The following RUSC2 variants were observed in gnomAD, a reference collection of about 807,000 sequenced individuals.
RUSC2 encodes AP-4 complex accessory subunit RUSC2.
RUSC2 carries 34 observed loss-of-function variants against 122.2 expected under a neutral mutation model. The ratio of observed to expected loss-of-function variants is 0.28; its 90% CI spans 0.21 to 0.37. RUSC2 has a LOEUF of 0.37. Ranked by LOEUF, RUSC2 falls within the 10% of genes least tolerant of loss-of-function variation. The probability of loss-of-function intolerance (pLI) is 1.00; values close to 1 mark genes in which losing one functional copy is unlikely to be tolerated. For missense variants in RUSC2, 1,747 were observed against 1,952.4 expected (o/e 0.89, Z 1.98); for synonymous variants, 784 against 790.0 (o/e 0.99, Z 0.13).
chr9:35,558,363 C>T lies in RUSC2; in HGVS notation c.3227C>T (p.Thr1076Ile). Reference sequence around the variant, plus strand: ...CCATGGAGTGTGGTTGAGGCTTCCACACAGCTAGGTAGGTGCTGGGTGCCA... The same window carrying T: ...CCATGGAGTGTGGTTGAGGCTTCCATACAGCTAGGTAGGTGCTGGGTGCCA... ...NMPWSVVEAS[T>I]QLGPSTKVLH... Residue 1076 changes from threonine to isoleucine, a missense_variant, in exon 7 of 12, where the codon ACA becomes ATA. By Grantham distance (89) the Thr-to-Ile change is moderately conservative. Transcript: ENST00000361226. This position sits in a 1 kb window ranked among gnomAD's most constrained non-coding sequence, Gnocchi z 4.3. 6.2e-7 allele frequency: 1 copy of T among 1,614,108 alleles called. No individual in the cohort carries two copies. Among genetic ancestry groups the T allele is most frequent in the Non-Finnish European group, 8.5e-7 (1 of 1,179,980 alleles).
chr9:35,506,437 TC>T (rs1195141933), intron 1 of RUSC2, among the ~76,000 whole-genome samples: 1 of 152,214 alleles, frequency 6.6e-6, no homozygotes, highest in African/African-American at 2.4e-5. Context: ...GGCTTTATTT[TC>T]CACTATGCAT....
chr9:35,524,094 T>C (rs1020611760), intron 1 of RUSC2, among the ~76,000 whole-genome samples: 4 of 151,492 alleles, frequency 2.6e-5, no homozygotes, highest in Non-Finnish European at 5.9e-5. Flanking sequence ...GAGGCTGAGG[T>C]GGGTGGATCA....
intron 1 of RUSC2, among the ~76,000 whole-genome samples, chr9:35,495,442 A>T (rs1038960043): frequency 6.6e-5 from 10 of 150,758 alleles, no homozygotes; most frequent in African/African-American, 2.2e-4. Context: ...TCCCCACTGA[A>T]TGGTATTCAC....
intron 1 of RUSC2, among the ~76,000 whole-genome samples, chr9:35,507,009 T>C (rs1334793877): frequency 6.6e-6 from 1 of 152,008 alleles, no homozygotes; most frequent in Non-Finnish European, 1.5e-5. Context: ...TCCCAGCTAC[T>C]TGGGAGGCGA....
chr9:35,509,281 T>A (rs17298668), intron 1 of RUSC2, among the ~76,000 whole-genome samples: 26,086 of 152,166 alleles, frequency 0.17, 2,413 homozygotes, highest in Admixed American at 0.26. Context: ...CCAGAGAAAC[T>A]TTTCTAAAGC....
Position 35,547,595 on chromosome 9 carries a change from G to C in RUSC2, c.1074G>C (p.Glu358Asp). ...GTTGCCCTCATGCCTCTTCTCCTGA[G>C]CTTGATGCCAACTGCAACTCCTACC... ...GYGCPHASSP[E>D]LDANCNSYRP... Residue 358 changes from glutamate to aspartate, a missense_variant, in exon 2 of 12, where the codon GAG becomes GAC. By Grantham distance (45) the Glu-to-Asp change is conservative (BLOSUM62 2). Coordinates refer to ENST00000361226, the MANE Select transcript of RUSC2 (RefSeq NM_014806.5). This position sits in a 1 kb window ranked among gnomAD's most constrained non-coding sequence, Gnocchi z 4.6. 2 of 1,614,190 alleles carry C rather than the reference G, an allele frequency of 1.2e-6. No homozygotes were observed. Among genetic ancestry groups the C allele is most frequent in the Non-Finnish European group, 1.7e-6 (2 of 1,180,042 alleles).
intron 1 of RUSC2, among the ~76,000 whole-genome samples, chr9:35,512,631 T>C (rs887985838): frequency 1.3e-5 from 2 of 152,146 alleles, no homozygotes; most frequent in African/African-American, 4.8e-5. Context: ...TGCCAGAAAA[T>C]ACAGATGATC....
At chr9:35,499,353 T>C (rs1820780265) in intron 1 of RUSC2, among the ~76,000 whole-genome samples, 1 of 152,200 alleles carries the variant, frequency 6.6e-6, no homozygotes, top group South Asian at 2.1e-4. Flanking sequence ...ACATAATACA[T>C]TTTAAAAAGT....
intron 1 of RUSC2, among the ~76,000 whole-genome samples, chr9:35,496,848 C>T (rs1472343576): frequency 6.6e-6 from 1 of 152,172 alleles, no homozygotes; most frequent in South Asian, 2.1e-4. Context: ...GACACATGGC[C>T]ACTCACTTGA....
chr9:35,541,061 C>G (rs774899158), intron 1 of RUSC2, among the ~76,000 whole-genome samples: 1 of 152,024 alleles, frequency 6.6e-6, no homozygotes, highest in Non-Finnish European at 1.5e-5. Context: ...AAGAGACACC[C>G]ATTTGGGACA....
intron 1 of RUSC2, among the ~76,000 whole-genome samples, chr9:35,498,157 GGT>G (rs1491151010): frequency 7.5e-5 from 6 of 79,730 alleles, no homozygotes; most frequent in Admixed American, 1.3e-4. Flanking sequence ...TTTTAGTTTT[GGT>G]TTTTTTTTTT....
At chr9:35,541,867 T>C (rs1363219248) in intron 1 of RUSC2, among the ~76,000 whole-genome samples, 1 of 150,698 alleles carries the variant, frequency 6.6e-6, no homozygotes, top group Non-Finnish European at 1.5e-5. Context: ...TTTTTCTGGG[T>C]GTATAATTAT....
chr9:35,494,938 A>G (rs1820649080), intron 1 of RUSC2, among the ~76,000 whole-genome samples: 1 of 128,280 alleles, frequency 7.8e-6, no homozygotes, highest in African/African-American at 2.9e-5. Context: ...TAAAATTTAT[A>G]TATAATATAT....
In RUSC2 at chr9:35,555,817, A is replaced by C; in HGVS notation, c.2656+116A>C. On this transcript the variant is annotated intron_variant, in intron 3 of 11. Coordinates refer to ENST00000361226, the MANE Select transcript of RUSC2 (RefSeq NM_014806.5). The surrounding 1 kb of genome is among the most constrained non-coding windows in gnomAD (Gnocchi z 4.6). ...TGGGGCCAGAGGTTAGGATGTCTGC[A>C]TCCCTCCCTCAGCATCTGTAGATAA... The C allele has an allele frequency of 6.8e-7, 1 of 1,463,818 alleles. No homozygotes were observed. The highest frequency in any genetic ancestry group is 9.2e-7 in the Non-Finnish European group (1 of 1,087,570). 90.7% of individuals were successfully genotyped at this position (1,463,818 alleles called of 1,614,324 possible).
At chr9:35,496,246 A>G (rs1208808125) in intron 1 of RUSC2, among the ~76,000 whole-genome samples, 3 of 152,204 alleles carry the variant, frequency 2.0e-5, no homozygotes, top group African/African-American at 7.2e-5. Flanking sequence ...GGAAGCTCTC[A>G]GAGAGGATCA....
Position 35,542,150 on chromosome 9 carries a change from AG to A in RUSC2, c.-92-4278del, listed in dbSNP as rs146504467. Reference sequence around the variant, plus strand: ...ATGGCTGAATTGGAATCGTCTATGGAGGAGCCATTGCTCGGCCTTTCTCTTG... The same window carrying A: ...ATGGCTGAATTGGAATCGTCTATGGAGAGCCATTGCTCGGCCTTTCTCTTG... On this transcript the variant is annotated intron_variant, in intron 1 of 11. Coordinates refer to ENST00000361226, the MANE Select transcript of RUSC2 (RefSeq NM_014806.5). Among the ~76,000 whole-genome samples the A allele has an allele frequency of 3.4e-3, 518 of 152,324 alleles. 2 individuals are homozygous for A. Among genetic ancestry groups the A allele is most frequent in the African/African-American group, 0.012 (491 of 41,586 alleles).
chr9:35,555,856 T>C lies in RUSC2; in HGVS notation c.2657-96T>C. ...ATCTGTAGATAATATCCACAGATAA[T>C]CTAGTGTTTCATATGGGCCCACTGG... On this transcript the variant is annotated intron_variant, in intron 3 of 11. Transcript: ENST00000361226. The surrounding 1 kb of genome is among the most constrained non-coding windows in gnomAD (Gnocchi z 4.6). The C allele has an allele frequency of 6.7e-7, 1 of 1,489,708 alleles. No homozygotes were observed. The allele number at this position is 1,489,708 out of a possible 1,614,324, so 92.3% of individuals were successfully genotyped here.
At chr9:35,529,830 A>G (rs1188353627) in intron 1 of RUSC2, among the ~76,000 whole-genome samples, 1 of 152,138 alleles carries the variant, frequency 6.6e-6, no homozygotes, top group Non-Finnish European at 1.5e-5. Flanking sequence ...CTCAGCTTTC[A>G]GTTTTTCTTC....
chr9:35,490,753 T>C (rs2132478591), intron 1 of RUSC2, among the ~76,000 whole-genome samples: 1 of 152,282 alleles, frequency 6.6e-6, no homozygotes, highest in East Asian at 1.9e-4. Context: ...GGAGAAAACC[T>C]TTGGCTTGGC....
Sources: gnomAD v4.1 joint callset for allele counts (sites outside exome capture counted in the v4.1 genomes callset) on GRCh38, gnomAD v4.1.1 for gene constraint, Gnocchi (gnomAD v3.1) non-coding constraint, MANE v1.5 for transcripts, NCBI Gene and HGNC (gene_info 2026-07-23, HGNC 2026-07-21) for gene names.